RSPRY1: variants seen among roughly 807,000 people sequenced by gnomAD.
RSPRY1 encodes the protein RING finger and SPRY domain-containing protein 1.
A neutral mutation model predicts 73.1 loss-of-function variants in RSPRY1; 23 were observed. The ratio of observed to expected loss-of-function variants is 0.31; its 90% confidence interval spans 0.23 to 0.45. RSPRY1 has a LOEUF of 0.45. RSPRY1 is among the 20% of genes least tolerant of loss of function. The pLI is 1.00. For missense variants in RSPRY1, 448 were observed against 698.7 expected (o/e 0.64, Z 4.05); for synonymous variants, 226 against 251.4 (o/e 0.90, Z 0.95).
At chr16:57,225,806 C>T (rs548346995) in intron 10 of RSPRY1, among the ~76,000 whole-genome samples, 15 of 152,306 alleles carry the variant, frequency 9.8e-5, no homozygotes, top group Non-Finnish European at 1.8e-4. Flanking sequence ...CTGCCAGGCG[C>T]GGTGGCTCAC....
chr16:57,213,013 A>T lies in RSPRY1; in HGVS notation c.558A>T (p.Gly186=), dbSNP rs1221099238. 1 of 1,614,026 alleles carries T rather than the reference A, an allele frequency of 6.2e-7. No homozygotes were observed. Among genetic ancestry groups the T allele is most frequent in the African/African-American group, 1.3e-5 (1 of 74,922 alleles). The change falls in exon 5 of 15, where the codon GGA becomes GGT. Residue 186 remains glycine (G), a synonymous_variant. Coordinates refer to ENST00000394420, the MANE Select transcript of RSPRY1 (RefSeq NM_133368.3). Reference sequence around the variant, plus strand: ...TGACTGAAATTCTCAATTTAAATGGAGAAGTAGCTTGCCAGGACTCAAGCC... The same window carrying T: ...TGACTGAAATTCTCAATTTAAATGGTGAAGTAGCTTGCCAGGACTCAAGCC... The part of the protein sequence containing the change: ...QKLTEILNLN[G]EVACQDSSHP...
chr16:57,211,875 A>G (rs1387416639), intron 4 of RSPRY1, among the ~76,000 whole-genome samples: 3 of 152,080 alleles, frequency 2.0e-5, no homozygotes, highest in African/African-American at 7.2e-5. Flanking sequence ...CACTGTGCCC[A>G]GCCTCAATTC....
intron 4 of RSPRY1, among the ~76,000 whole-genome samples, chr16:57,211,266 T>TAAA (rs531084194): frequency 4.5e-5 from 6 of 133,874 alleles, no homozygotes; most frequent in Admixed American, 1.5e-4. Context: ...TTGTCTCTGT[T>TAAA]AAAAAAAAAA....
At chr16:57,234,045 G>T (rs1322387173) in intron 13 of RSPRY1, among the ~76,000 whole-genome samples, 1 of 152,076 alleles carries the variant, frequency 6.6e-6, no homozygotes, top group East Asian at 1.9e-4. Flanking sequence ...AACCTTTCCG[G>T]TGACCTCCCA....
intron 1 of RSPRY1, among the ~76,000 whole-genome samples, chr16:57,202,305 C>T (rs1192052228): frequency 6.6e-6 from 1 of 152,114 alleles, no homozygotes; most frequent in Non-Finnish European, 1.5e-5. Flanking sequence ...TGGCGGCAAG[C>T]CTCTTGTTCT....
Position 57,227,438 on chromosome 16 carries a change from C to A in RSPRY1, c.1258C>A (p.Pro420Thr). The A allele has an allele frequency of 6.2e-7, 1 of 1,613,024 alleles. No individual in the cohort carries two copies. The highest frequency in any genetic ancestry group is 8.5e-7 in the Non-Finnish European group (1 of 1,179,044). The stretch of plus-strand genomic sequence containing the variant: ...TGCCAGAAGTAAGCCTCACATACAC[C>A]CATGCTGGAAAGAAGGTATTCATTC... ...YNARSKPHIHPCWKEGDTVGF... is the reference protein window; with the variant it reads ...YNARSKPHIHTCWKEGDTVGF... The change falls in exon 11 of 15, where the codon CCA (proline) becomes ACA (threonine). Residue 420 changes from proline (P) to threonine (T), a missense_variant. Transcript: ENST00000394420.
chr16:57,216,487 G>T (rs1299101198), intron 7 of RSPRY1: 5 of 355,816 alleles, frequency 1.4e-5, no homozygotes, highest in Non-Finnish European at 2.5e-5. Flanking sequence ...GGAAGCTAAG[G>T]CCAGAGCATT....
rs1427985357 is a variant in RSPRY1, at chr16:57,195,048, CAT to C, written c.-156+8598_-156+8599del. Among the ~76,000 whole-genome samples the C allele has an allele frequency of 4.0e-5, 6 of 151,462 alleles. No individual in the cohort carries two copies. The East Asian group carries it at 1.2e-3, about 29-fold the overall frequency. On this transcript the variant is annotated intron_variant, in intron 1 of 14. Coordinates refer to ENST00000394420, the MANE Select transcript of RSPRY1 (RefSeq NM_133368.3). ...TTTACCCCCAAGAAAAATGAAAAAA[CAT>C]GTAAAATGTAAAAATCTAATAAATA...
chr16:57,228,157 C>T (rs931865245), intron 11 of RSPRY1, among the ~76,000 whole-genome samples: 4 of 151,706 alleles, frequency 2.6e-5, no homozygotes, highest in African/African-American at 7.3e-5. Flanking sequence ...CCTGCGGTCC[C>T]GGCTACTTGG....
At chr16:57,227,957 C>A (rs1337738500) in intron 11 of RSPRY1, among the ~76,000 whole-genome samples, 1 of 152,168 alleles carries the variant, frequency 6.6e-6, no homozygotes, top group African/African-American at 2.4e-5. Flanking sequence ...CTCCAAGCAT[C>A]CCTCTCTCAT....
At position 57,220,796 on chromosome 16, in the gene RSPRY1, G is replaced by A. The variant is rs1054504687; in HGVS notation, c.966G>A (p.Leu322=). The A allele has an allele frequency of 2.5e-6, 4 of 1,614,038 alleles. No homozygotes were observed. The highest frequency in any genetic ancestry group is 3.4e-6 in the Non-Finnish European group (4 of 1,179,872). The change falls in exon 9 of 15, where the codon CTG becomes CTA. Residue 322 remains leucine, a synonymous_variant. Coordinates refer to ENST00000394420, the MANE Select transcript of RSPRY1 (RefSeq NM_133368.3). The stretch of plus-strand genomic sequence containing the variant: ...ACTTGAGTAGCATTAGGGCCATGCT[G>A]AATAGCAATGATGTCAGCGAGTACC... ...KVNLSSIRAM[L]NSNDVSEYLK...
chr16:57,192,514 C>T (rs565659742), intron 1 of RSPRY1, among the ~76,000 whole-genome samples: 20 of 152,130 alleles, frequency 1.3e-4, no homozygotes, highest in South Asian at 8.3e-4. Flanking sequence ...TATTTGCTTC[C>T]GGAAATTCCT....
Position 57,237,743 on chromosome 16 carries a change from G to C in RSPRY1, c.1635-1136G>C, listed in dbSNP as rs1202046875. Among the ~76,000 whole-genome samples, 8 of 150,694 alleles carry C rather than the reference G, an allele frequency of 5.3e-5. No individual in the cohort carries two copies. In the Admixed American group the frequency reaches 5.3e-4, roughly 10 times the overall value. ...TATTTATTTTTTGAGACGGAGTCTCGCTCTGTCACCCAGGCTTGAGTGCAG... is the reference window on the plus strand; with the variant it reads ...TATTTATTTTTTGAGACGGAGTCTCCCTCTGTCACCCAGGCTTGAGTGCAG... On this transcript the variant is annotated intron_variant, in intron 14 of 14. Transcript: ENST00000394420.
intron 10 of RSPRY1, among the ~76,000 whole-genome samples, chr16:57,225,947 G>T (rs1450919558): frequency 6.6e-6 from 1 of 152,276 alleles, no homozygotes; most frequent in East Asian, 1.9e-4. Flanking sequence ...GCCTGGTGGC[G>T]CATGCCTATA....
rs2075355553 is a variant in RSPRY1, at chr16:57,240,055, A to C, written c.*1080A>C. 1 of 152,172 alleles carries C rather than the reference A, an allele frequency of 6.6e-6. No individual in the cohort carries two copies. Among genetic ancestry groups the C allele is most frequent in the Non-Finnish European group, 1.5e-5 (1 of 68,032 alleles). 9.4% of individuals were successfully genotyped at this position (152,172 alleles called of 1,614,324 possible). ...AGAGTTTGGTTTTTTCTCCCAGGAAATTGGAAGGTAGAATTGTAAATTCAT... is the reference window on the plus strand; with the variant it reads ...AGAGTTTGGTTTTTTCTCCCAGGAACTTGGAAGGTAGAATTGTAAATTCAT... On this transcript the variant is annotated 3_prime_UTR_variant, in exon 15 of 15. Coordinates refer to ENST00000394420, the MANE Select transcript of RSPRY1 (RefSeq NM_133368.3).
intron 13 of RSPRY1, among the ~76,000 whole-genome samples, chr16:57,234,140 A>G (rs1488888474): frequency 2.0e-5 from 3 of 152,002 alleles, no homozygotes; most frequent in Non-Finnish European, 4.4e-5. Flanking sequence ...ATGCTCCTTC[A>G]GCCACCCTGG....
intron 6 of RSPRY1, among the ~76,000 whole-genome samples, chr16:57,215,440 T>G (rs1368091103): frequency 6.6e-6 from 1 of 152,218 alleles, no homozygotes; most frequent in African/African-American, 2.4e-5. Flanking sequence ...TCATCTGATG[T>G]TCTGGAGCTC....
intron 13 of RSPRY1, among the ~76,000 whole-genome samples, chr16:57,232,599 A>AC (rs2075241746): frequency 6.6e-6 from 1 of 152,148 alleles, no homozygotes. Flanking sequence ...AAGTCTTCTC[A>AC]CATATACCCT....
At chr16:57,203,842 C>T (rs1489153023) in intron 1 of RSPRY1, among the ~76,000 whole-genome samples, 1 of 152,212 alleles carries the variant, frequency 6.6e-6, no homozygotes, top group African/African-American at 2.4e-5. Context: ...GAAAATACAA[C>T]TTTTGTGATA....
Sources: allele counts gnomAD v4.1 joint callset (sites outside exome capture counted in the v4.1 genomes callset), GRCh38; gene constraint gnomAD v4.1.1; transcripts MANE v1.5; gene names NCBI Gene and HGNC (gene_info 2026-07-23, HGNC 2026-07-21).